ANO10: variants seen among roughly 807,000 people sequenced by gnomAD.
ANO10 encodes anoctamin 10, also known as anoctamin-10.
A neutral mutation model predicts 74.7 loss-of-function variants in ANO10; 77 were observed. The observed-to-expected ratio is 1.03, with a 90% CI of 0.86 to 1.25. ANO10 has a LOEUF of 1.25. Among genes scored for constraint, ANO10 ranks in the 50% most tolerant of loss-of-function variants. ANO10 has a pLI of 0.00. For synonymous variants in ANO10, 279 were observed against 284.9 expected, an observed-to-expected ratio of 0.98 and a Z score of 0.21; for missense variants, 721 against 778.1, an observed-to-expected ratio of 0.93 and a Z score of 0.87.
intron 11 of ANO10, among the ~76,000 whole-genome samples, chr3:43,472,137 A>G (rs1202038630): frequency 3.3e-5 from 5 of 152,180 alleles, no homozygotes; most frequent in African/African-American, 1.2e-4. Context: ...AAACAAACAG[A>G]CTTAAGAGCC....
At chr3:43,603,951 A>G (rs1056630708) in intron 2 of ANO10, among the ~76,000 whole-genome samples, 1 of 152,202 alleles carries the variant, frequency 6.6e-6, no homozygotes, top group African/African-American at 2.4e-5. Flanking sequence ...TCTTATTTTC[A>G]GTACAGAATC....
At chr3:43,663,909 A>C (rs1300896170) in intron 1 of ANO10, among the ~76,000 whole-genome samples, 1 of 152,222 alleles carries the variant, frequency 6.6e-6, no homozygotes, top group Admixed American at 6.5e-5. Context: ...AAAACATCCC[A>C]TGCTCATGGA....
At chr3:43,663,264 T>A (rs955437820) in intron 1 of ANO10, among the ~76,000 whole-genome samples, 2 of 152,036 alleles carry the variant, frequency 1.3e-5, no homozygotes, top group South Asian at 4.1e-4. Context: ...ACGTAATCCA[T>A]CACATAAACA....
At chr3:43,531,526 A>G (rs2078467696) in intron 11 of ANO10, among the ~76,000 whole-genome samples, 1 of 152,230 alleles carries the variant, frequency 6.6e-6, no homozygotes, top group Non-Finnish European at 1.5e-5. Flanking sequence ...TCTTATTGGT[A>G]TAAAAAATAA....
At chr3:43,577,421 A>C (rs574367318) in intron 5 of ANO10, among the ~76,000 whole-genome samples, 160 bp from the exon 6 acceptor site, 1 of 152,218 alleles carries the variant, frequency 6.6e-6, no homozygotes, top group South Asian at 2.1e-4. Context: ...CAGTATAAAG[A>C]CCCTGCTTGT....
intron 4 of ANO10, among the ~76,000 whole-genome samples, chr3:43,584,792 T>TACAGCAA (rs1428536918): frequency 6.6e-6 from 1 of 152,068 alleles, no homozygotes; most frequent in Non-Finnish European, 1.5e-5. Flanking sequence ...AACACAACAT[T>TACAGCAA]ACAGCAAGCA....
chr3:43,521,727 A>T (rs920469492), intron 11 of ANO10, among the ~76,000 whole-genome samples: 1 of 152,224 alleles, frequency 6.6e-6, no homozygotes, highest in African/African-American at 2.4e-5. Context: ...TACGGAAAAC[A>T]GTTTGGAAGT....
chr3:43,688,008 T>C (rs934308988), intron 1 of ANO10, among the ~76,000 whole-genome samples: 6 of 152,132 alleles, frequency 3.9e-5, no homozygotes, highest in African/African-American at 1.4e-4. Context: ...TTTCTTGCCA[T>C]TGTTGAAGAT....
chr3:43,668,632 T>C (rs2084020438), intron 1 of ANO10, among the ~76,000 whole-genome samples: 1 of 152,100 alleles, frequency 6.6e-6, no homozygotes, highest in South Asian at 2.1e-4. Flanking sequence ...TCTAGTTTCA[T>C]TCTTCTGCAT....
At chr3:43,472,944 A>T (rs2075921840) in intron 11 of ANO10, among the ~76,000 whole-genome samples, 2 of 152,258 alleles carry the variant, frequency 1.3e-5, no homozygotes. Flanking sequence ...ATGTATATAC[A>T]TAAAAATAAA....
chr3:43,446,434 CAGAG>C (rs923151486), intron 11 of ANO10, among the ~76,000 whole-genome samples: 1 of 152,166 alleles, frequency 6.6e-6, no homozygotes, highest in African/African-American at 2.4e-5. Context: ...TACAATTGAA[CAGAG>C]AGTTTGTAAC....
intron 12 of ANO10, among the ~76,000 whole-genome samples, chr3:43,378,229 A>T (rs879428433): frequency 5.9e-5 from 9 of 152,242 alleles, no homozygotes; most frequent in Non-Finnish European, 1.3e-4. Context: ...TGGGATGAGT[A>T]GGAGCAGCTG....
rs574579273 is a variant in ANO10, at chr3:43,388,479, G to A, written c.1915-21505C>T. Among the ~76,000 whole-genome samples, 5 of 152,158 alleles carry A rather than the reference G, an allele frequency of 3.3e-5. No homozygotes were observed. The East Asian group carries it at 5.8e-4, about 18-fold the overall frequency. ...ATCCCTGTGTTCCTGACCACATTCC[G>A]AAGGCTCTTTTGTTTTCTTACCAAG... On this transcript the variant is annotated intron_variant, in intron 12 of 12. Transcript: ENST00000292246.
chr3:43,531,329 T>C (rs562109658), intron 11 of ANO10, among the ~76,000 whole-genome samples: 133 of 152,244 alleles, frequency 8.7e-4, no homozygotes, highest in Non-Finnish European at 1.4e-3. Context: ...CCAAGATCTA[T>C]GTCATCTTAA....
Position 43,580,515 on chromosome 3 carries a change from G to A in ANO10, c.473-43C>T, listed in dbSNP as rs373835376. ...GCCAAACTGCATGAAATGGACTGGAGATTGTGCATGATACGCTTCAGCAAA... is the reference window on the plus strand; with the variant it reads ...GCCAAACTGCATGAAATGGACTGGAAATTGTGCATGATACGCTTCAGCAAA... On this transcript the variant is annotated intron_variant, in intron 4 of 12. Coordinates refer to ENST00000292246, the MANE Select transcript of ANO10 (RefSeq NM_018075.5). 1.1e-5 allele frequency: 17 copies of A among 1,608,468 alleles called. No homozygotes were observed. The Admixed American group carries it at 2.2e-4, about 21-fold the overall frequency.
chr3:43,650,053 G>A (rs560402060), intron 1 of ANO10, among the ~76,000 whole-genome samples: 19 of 152,314 alleles, frequency 1.2e-4, no homozygotes, highest in African/African-American at 4.3e-4. Flanking sequence ...TTTTGCAAGC[G>A]TCTTTTTGCA....
chr3:43,654,534 T>C (rs944379682), intron 1 of ANO10, among the ~76,000 whole-genome samples: 4 of 152,200 alleles, frequency 2.6e-5, no homozygotes, highest in African/African-American at 9.7e-5. Flanking sequence ...ATGCTTCTCA[T>C]TAAAGAGCAA....
In ANO10 at chr3:43,506,278, G is replaced by A. The variant is rs536687848; in HGVS notation, c.1797+43442C>T. Among the ~76,000 whole-genome samples the A allele has an allele frequency of 2.1e-4, 32 of 152,134 alleles. No individual in the cohort carries two copies. The South Asian group carries it at 5.0e-3, about 24-fold the overall frequency. On this transcript the variant is annotated intron_variant, in intron 11 of 12. Transcript: ENST00000292246. ...TCTTTTGTTACCCCTCACCTCCAAC[G>A]TATTATCAAATCCTTTATTTTGCAT... is the stretch of plus-strand genomic sequence containing the variant.
intron 1 of ANO10, among the ~76,000 whole-genome samples, chr3:43,633,995 CAAA>C (rs5848667): frequency 4.0e-5 from 5 of 124,034 alleles, no homozygotes; most frequent in Admixed American, 8.2e-5. Context: ...TCATGGACAG[CAAA>C]AAAAAAAAAA....
Sources: gnomAD v4.1 joint callset for allele counts (sites outside exome capture counted in the v4.1 genomes callset) on GRCh38, gnomAD v4.1.1 for gene constraint, MANE v1.5 for transcripts, NCBI Gene and HGNC (gene_info 2026-07-23, HGNC 2026-07-21) for gene names.